Variants in SMOC2 observed in about 807,000 individuals in gnomAD.
SMOC2 encodes the protein SPARC-related modular calcium-binding protein 2.
SMOC2 carries 39 observed loss-of-function variants against 61.4 expected under a neutral mutation model. That is an observed-to-expected ratio of 0.64 (90% CI 0.49 to 0.83). SMOC2 has a LOEUF of 0.83. Among genes scored for constraint, SMOC2 ranks in the 40% least tolerant of loss-of-function variants. SMOC2 has a pLI of 0.00. For missense variants in SMOC2, 556 were observed against 592.9 expected (o/e 0.94, Z 0.65); for synonymous variants, 247 against 239.9 (o/e 1.03, Z -0.27).
At chr6:168,508,849 T>C (rs775476982) in intron 1 of SMOC2, among the ~76,000 whole-genome samples, 6 of 152,240 alleles carry the variant, frequency 3.9e-5, no homozygotes, top group Non-Finnish European at 8.8e-5. Context: ...GCCACAGCTC[T>C]GCGCGTTTCT....
intron 8 of SMOC2, among the ~76,000 whole-genome samples, chr6:168,606,235 C>A (rs566730392): frequency 6.6e-6 from 1 of 152,170 alleles, no homozygotes; most frequent in Non-Finnish European, 1.5e-5. Context: ...TTACTGAGTT[C>A]GCCTTTCTTG....
chr6:168,523,688 C>T (rs1424123519), intron 2 of SMOC2, among the ~76,000 whole-genome samples: 3 of 152,246 alleles, frequency 2.0e-5, no homozygotes, highest in East Asian at 1.9e-4. Flanking sequence ...CATCAACCTC[C>T]GCACCTGGCC....
chr6:168,612,767 G>A (rs1469275083), intron 9 of SMOC2, among the ~76,000 whole-genome samples: 1 of 152,158 alleles, frequency 6.6e-6, no homozygotes, highest in South Asian at 2.1e-4. Context: ...AGAGGCCATC[G>A]GCACAACCTT....
Position 168,656,507 on chromosome 6 carries a change from TAAAAAA to T in SMOC2, c.1285+3297_1285+3302del, listed in dbSNP as rs5881805. Among the ~76,000 whole-genome samples the T allele has an allele frequency of 2.5e-4, 22 of 86,810 alleles. No homozygotes were observed. The South Asian group carries it at 4.1e-3, about 16-fold the overall frequency. The allele number at this position is 86,810 out of a possible 152,430, so 57.0% of individuals were successfully genotyped here. A position where few individuals can be genotyped will look rare whatever the true frequency, so the allele number is the denominator to read the frequency against. ...TGGGTGACAAAGCAAGACTTTGTGT[TAAAAAA>T]AAAAAAAAAAAAAAAAAGAAAAGAA... is the stretch of plus-strand genomic sequence containing the variant. On this transcript the variant is annotated intron_variant, in intron 11 of 12. Coordinates refer to ENST00000356284, the MANE Select transcript of SMOC2 (RefSeq NM_001166412.2).
intron 1 of SMOC2, among the ~76,000 whole-genome samples, chr6:168,497,048 C>G (rs1453906949): frequency 3.3e-5 from 5 of 152,208 alleles, no homozygotes; most frequent in African/African-American, 1.2e-4. Context: ...CCCAGGCCCG[C>G]CCCTTCCTCT....
chr6:168,483,728 T>C (rs988440333), intron 1 of SMOC2, among the ~76,000 whole-genome samples: 1 of 152,110 alleles, frequency 6.6e-6, no homozygotes, highest in Non-Finnish European at 1.5e-5. Flanking sequence ...TCACACAGTG[T>C]GGTACTGGCA....
At chr6:168,484,732 G>A (rs1046572137) in intron 1 of SMOC2, among the ~76,000 whole-genome samples, 1 of 152,202 alleles carries the variant, frequency 6.6e-6, no homozygotes, top group South Asian at 2.1e-4. Flanking sequence ...GAAATGTGGT[G>A]TATATACATA....
At chr6:168,518,979 G>A (rs1373474061) in intron 2 of SMOC2, among the ~76,000 whole-genome samples, 2 of 150,274 alleles carry the variant, frequency 1.3e-5, no homozygotes, top group South Asian at 2.1e-4. Context: ...GCGTGTGTAT[G>A]CATGCGTGTG....
At chr6:168,441,635 C>T (rs1406462856) in intron 1 of SMOC2, among the ~76,000 whole-genome samples, 181 bp downstream of exon 1, 1 of 152,150 alleles carries the variant, frequency 6.6e-6, no homozygotes, top group Non-Finnish European at 1.5e-5. Context: ...AGCGTGCGCG[C>T]CTGGGACCCG....
chr6:168,624,165 G>C (rs974469804), intron 9 of SMOC2, among the ~76,000 whole-genome samples: 2 of 152,196 alleles, frequency 1.3e-5, no homozygotes, highest in African/African-American at 2.4e-5. Context: ...TGTCAGCCTA[G>C]GTGCTTTCCC....
intron 10 of SMOC2, 123 bp from the exon 11 acceptor site, chr6:168,652,831 C>G (rs755355883): frequency 2.5e-6 from 2 of 795,850 alleles, no homozygotes; most frequent in East Asian, 4.9e-5. Context: ...ACCAGTGCTG[C>G]AGGCTGAGAC....
At chr6:168,500,993 G>A (rs927505738) in intron 1 of SMOC2, among the ~76,000 whole-genome samples, 2 of 152,158 alleles carry the variant, frequency 1.3e-5, no homozygotes, top group Non-Finnish European at 2.9e-5. Context: ...TATGAGAGGG[G>A]GAAGTTCAGC....
chr6:168,441,302 G>A lies in SMOC2; in HGVS notation c.-69G>A. 6.8e-7 allele frequency: 1 copy of A among 1,465,610 alleles called. No homozygotes were observed. The highest frequency in any genetic ancestry group is 9.0e-7 in the Non-Finnish European group (1 of 1,117,076). The allele number at this position is 1,465,610 out of a possible 1,614,324, so 90.8% of individuals were successfully genotyped here. ...GCCCGCCCAGCCGCGCTCGCCCACT[G>A]GGCTCTCCCGGCTGCAGTGCCAGGG... On this transcript the variant is annotated 5_prime_UTR_variant, in exon 1 of 13. Coordinates refer to ENST00000356284, the MANE Select transcript of SMOC2 (RefSeq NM_001166412.2).
intron 9 of SMOC2, among the ~76,000 whole-genome samples, chr6:168,614,509 A>G (rs1286018868): frequency 3.5e-4 from 10 of 28,762 alleles, no homozygotes; most frequent in African/African-American, 6.4e-4. Flanking sequence ...ACCTACAGCC[A>G]GCACAGGGCC....
At position 168,650,603 on chromosome 6, in the gene SMOC2, A is replaced by G. The variant is rs549603575; in HGVS notation, c.908-78A>G. Reference sequence around the variant, plus strand: ...AAAATACTCATTTCCAAACAGTAAAACAACATTTCCCTGTATTTTAGAGGA... The same window carrying G: ...AAAATACTCATTTCCAAACAGTAAAGCAACATTTCCCTGTATTTTAGAGGA... On this transcript the variant is annotated intron_variant, in intron 9 of 12. Transcript: ENST00000356284. 790 of 1,391,756 alleles carry G rather than the reference A, an allele frequency of 5.7e-4. 6 individuals are homozygous for G. The highest frequency in any genetic ancestry group is 1.1e-3 in the South Asian group (88 of 78,496). The allele number at this position is 1,391,756 out of a possible 1,614,324, so 86.2% of individuals were successfully genotyped here.
At chr6:168,600,396 A>G (rs191704460) in intron 8 of SMOC2, among the ~76,000 whole-genome samples, 69 of 127,616 alleles carry the variant, frequency 5.4e-4, no homozygotes, top group African/African-American at 2.0e-3. Flanking sequence ...GACAAGAGCG[A>G]AACTCTGCCT....
chr6:168,518,041 G>A (rs953440289), intron 2 of SMOC2, among the ~76,000 whole-genome samples: 1 of 152,182 alleles, frequency 6.6e-6, no homozygotes, highest in Non-Finnish European at 1.5e-5. Flanking sequence ...TGTTTCCGTC[G>A]AGCTCGTCCT....
intron 7 of SMOC2, among the ~76,000 whole-genome samples, chr6:168,592,439 CGCCGA>C (rs1785210410): frequency 1.0e-5 from 1 of 99,210 alleles, no homozygotes; most frequent in African/African-American, 3.7e-5. Flanking sequence ...TCTAGAGGAT[CGCCGA>C]GCTCCTCCTC....
intron 1 of SMOC2, among the ~76,000 whole-genome samples, chr6:168,504,134 C>T (rs1035266637): frequency 1.3e-5 from 2 of 152,044 alleles, no homozygotes; most frequent in African/African-American, 4.8e-5. Flanking sequence ...CCCTGGGATG[C>T]CAGCTCACAT....
Sources: gnomAD v4.1 joint callset for allele counts (sites outside exome capture counted in the v4.1 genomes callset) on GRCh38, gnomAD v4.1.1 for gene constraint, MANE v1.5 for transcripts, NCBI Gene and HGNC (gene_info 2026-07-23, HGNC 2026-07-21) for gene names.